Variants in SLC38A8 observed in about 807,000 individuals in gnomAD.
The protein encoded by SLC38A8 is solute carrier family 38 member 8.
In SLC38A8, 65 loss-of-function variants were observed where a neutral mutation model predicts 46.0. The observed-to-expected ratio is 1.41, with a 90% CI of 1.16 to 1.74. The LOEUF (loss-of-function observed/expected upper bound fraction) is 1.74, where lower values mean the gene tolerates loss of function less well. Ranked by LOEUF, SLC38A8 falls within the 40% of genes most tolerant of loss-of-function variation. The probability of loss-of-function intolerance (pLI) is 0.00; values close to 1 mark genes in which losing one functional copy is unlikely to be tolerated. For synonymous variants in SLC38A8, 447 were observed against 243.7 expected, an observed-to-expected ratio of 1.83 and a Z score of -7.77; for missense variants, 998 against 567.9, an observed-to-expected ratio of 1.76 and a Z score of -7.70.
intron 2 of SLC38A8, chr16:84,041,050 C>G (rs1288229384): frequency 6.6e-6 from 1 of 152,300 alleles, no homozygotes; most frequent in African/African-American, 2.4e-5. Context: ...TGAGAAAAAG[C>G]CGGCCAAAGA....
intron 2 of SLC38A8, among the ~76,000 whole-genome samples, chr16:84,038,337 G>T (rs531895734): frequency 6.6e-6 from 1 of 151,938 alleles, no homozygotes; most frequent in Non-Finnish European, 1.5e-5. Flanking sequence ...AGATGTACAG[G>T]AAAGTTGCAA....
chr16:84,027,955 G>A (rs932725040), intron 6 of SLC38A8, among the ~76,000 whole-genome samples: 1 of 152,112 alleles, frequency 6.6e-6, no homozygotes, highest in Non-Finnish European at 1.5e-5. Flanking sequence ...CGTGCAGGAA[G>A]CAATGTGAGA....
rs1225229438 is a variant in SLC38A8 at position 84,033,020 on chromosome 16, G to A, written c.530+308C>T. Among the ~76,000 whole-genome samples the A allele has an allele frequency of 2.0e-5, 3 of 151,174 alleles. No individual in the cohort carries two copies. In the East Asian group the frequency reaches 5.9e-4, roughly 30 times the overall value. ...CATGGGGGGGTGTGGGTAGGTGGGT[G>A]TGTATGTGTGGGTGTGGGTAGGTGT... On this transcript the variant is annotated intron_variant, in intron 4 of 10. Coordinates refer to ENST00000299709, the MANE Select transcript of SLC38A8 (RefSeq NM_001080442.3).
intron 6 of SLC38A8, among the ~76,000 whole-genome samples, chr16:84,024,306 G>C (rs775551008): frequency 5.3e-5 from 8 of 152,196 alleles, no homozygotes; most frequent in Non-Finnish European, 1.0e-4. Flanking sequence ...CACATACTTA[G>C]AATCTACATA....
At chr16:84,017,916 ATCACTGAG>A (rs1417394113) in intron 7 of SLC38A8, among the ~76,000 whole-genome samples, 1 of 152,150 alleles carries the variant, frequency 6.6e-6, no homozygotes, top group African/African-American at 2.4e-5. Context: ...GTGATACTGA[ATCACTGAG>A]TCACACCCTC....
intron 7 of SLC38A8, among the ~76,000 whole-genome samples, chr16:84,021,775 T>C (rs1290326495): frequency 6.6e-6 from 1 of 152,226 alleles, no homozygotes; most frequent in Non-Finnish European, 1.5e-5. Flanking sequence ...AATTGAGTAA[T>C]TTATACAGAA....
chr16:84,033,620 AG>A (rs2151126428), intron 3 of SLC38A8, 151 bp from the exon 4 acceptor site: 1 of 818,826 alleles, frequency 1.2e-6, no homozygotes, highest in East Asian at 2.8e-5. Context: ...AGATGGAGAC[AG>A]GTCACGTGCC....
chr16:84,026,892 A>G (rs1252177897), intron 6 of SLC38A8, among the ~76,000 whole-genome samples: 1 of 152,110 alleles, frequency 6.6e-6, no homozygotes, highest in Non-Finnish European at 1.5e-5. Flanking sequence ...GAGAATGGAG[A>G]GTGACTGACG....
chr16:84,036,907 A>G lies in SLC38A8; in HGVS notation c.190-7T>C, dbSNP rs1158163478. On this transcript the variant is annotated splice_polypyrimidine_tract_variant and splice_region_variant and intron_variant, in intron 2 of 10. Transcript: ENST00000299709. ...TCAGGAAGACCAACGAGACCTGCGG[A>G]GAAGGAGCAGGACCTGGAACTGGGG... The G allele has an allele frequency of 6.2e-7, 1 of 1,606,888 alleles. No individual in the cohort carries two copies. The highest frequency in any genetic ancestry group is 1.1e-5 in the South Asian group (1 of 90,214).
In SLC38A8 at chr16:84,036,701, C is replaced by T. The variant is rs149436446; in HGVS notation, c.388+1G>A. 33 of 1,613,982 alleles carry T rather than the reference C, an allele frequency of 2.0e-5. No individual in the cohort carries two copies. Among genetic ancestry groups the T allele is most frequent in the African/African-American group, 5.3e-5 (4 of 74,940 alleles). Reference sequence around the variant, plus strand: ...ACCCCGAGTCCCATGAAGGTACTTACGCTTCTCCAGCTGGTCCCCGATCAC... The same window carrying T: ...ACCCCGAGTCCCATGAAGGTACTTATGCTTCTCCAGCTGGTCCCCGATCAC... On this transcript the variant is annotated splice_donor_variant, in intron 3 of 10. Coordinates refer to ENST00000299709, the MANE Select transcript of SLC38A8 (RefSeq NM_001080442.3). LOFTEE classifies it high-confidence loss of function.
chr16:84,014,931 A>T (rs1229950627), intron 9 of SLC38A8, among the ~76,000 whole-genome samples: 1 of 149,120 alleles, frequency 6.7e-6, no homozygotes, highest in Non-Finnish European at 1.5e-5. Flanking sequence ...TGGGACCCTG[A>T]ACAATGTTTC....
intron 6 of SLC38A8, among the ~76,000 whole-genome samples, chr16:84,024,228 G>C (rs954617537): frequency 1.3e-5 from 2 of 152,202 alleles, no homozygotes; most frequent in Admixed American, 1.3e-4. Flanking sequence ...TTTGGGTAGG[G>C]TGGGTGCTAC....
chr16:84,016,405 C>T, intron 9 of SLC38A8, 114 bp downstream of exon 9: 11 of 1,242,912 alleles, frequency 8.9e-6, no homozygotes, highest in Non-Finnish European at 1.2e-5. Flanking sequence ...GGTCTTAATC[C>T]TACCCATATG....
intron 10 of SLC38A8, among the ~76,000 whole-genome samples, chr16:84,012,672 G>C (rs1027232512): frequency 1.5e-4 from 23 of 152,204 alleles, no homozygotes; most frequent in African/African-American, 5.1e-4. Context: ...CCTGCACCCT[G>C]ATCCTGCCCT....
At chr16:84,024,481 G>A (rs531961027) in intron 6 of SLC38A8, among the ~76,000 whole-genome samples, 22 of 151,984 alleles carry the variant, frequency 1.4e-4, no homozygotes, top group Admixed American at 8.5e-4. Context: ...GCCCAAGGGG[G>A]ATAAGAATTT....
At chr16:84,037,151 A>T (rs1419413816) in intron 2 of SLC38A8, among the ~76,000 whole-genome samples, 1 of 152,194 alleles carries the variant, frequency 6.6e-6, no homozygotes. Flanking sequence ...TGAACCTGGG[A>T]ATCTGACACC....
At chr16:84,020,915 TTTGG>T (rs1235652967) in intron 7 of SLC38A8, among the ~76,000 whole-genome samples, 3 of 152,228 alleles carry the variant, frequency 2.0e-5, no homozygotes, top group Admixed American at 1.3e-4. Flanking sequence ...ATCTTGCTGC[TTTGG>T]TTCTCTTTTG....
rs369454720 is a variant in SLC38A8, at chr16:84,013,422, G to GTTTTTTT, written c.1163-371_1163-370insAAAAAAA. On this transcript the variant is annotated intron_variant, in intron 9 of 10. Transcript: ENST00000299709. ...ACCATTACTTTCTTTTGTTGTGTGT[G>GTTTTTTT]TGTTTTTTTTTTTTTTTTTTTTTTT... is the stretch of plus-strand genomic sequence containing the variant. Among the ~76,000 whole-genome samples, 94 of 108,686 alleles carry GTTTTTTT rather than the reference G, an allele frequency of 8.6e-4. 4 individuals are homozygous for GTTTTTTT. Among genetic ancestry groups the GTTTTTTT allele is most frequent in the African/African-American group, 1.8e-3 (45 of 24,528 alleles). The allele number at this position is 108,686 out of a possible 152,430, so 71.3% of individuals were successfully genotyped here.
chr16:84,023,699 G>A (rs540209995), intron 6 of SLC38A8, among the ~76,000 whole-genome samples: 2 of 152,304 alleles, frequency 1.3e-5, no homozygotes, highest in African/African-American at 4.8e-5. Flanking sequence ...TTTGAGACCA[G>A]CCTGGCCAAC....
Sources: allele counts gnomAD v4.1 joint callset (sites outside exome capture counted in the v4.1 genomes callset), GRCh38; gene constraint gnomAD v4.1.1; transcripts MANE v1.5; gene names NCBI Gene and HGNC (gene_info 2026-07-23, HGNC 2026-07-21).